The following WDFY4 variants were observed in gnomAD, a reference collection of about 807,000 sequenced individuals.
WDFY4 encodes WD repeat- and FYVE domain-containing protein 4.
Under a neutral mutation model 351.9 loss-of-function variants are expected in WDFY4, and 169 were observed. That is an observed-to-expected ratio of 0.48 (90% CI 0.42 to 0.55). The LOEUF is 0.55. WDFY4 is among the 20% of genes least tolerant of loss of function. The pLI is 0.00. For missense variants in WDFY4, 3,803 were observed against 3,935.6 expected, an observed-to-expected ratio of 0.97 and a Z score of 0.90; for synonymous variants, 1,622 against 1,574.6, an observed-to-expected ratio of 1.03 and a Z score of -0.71.
Position 48,830,704 on chromosome 10 carries a change from A to G in WDFY4, c.6345A>G (p.Gln2115=). 6.4e-7 allele frequency: 1 copy of G among 1,551,164 alleles called. No individual in the cohort carries two copies. The highest frequency in any genetic ancestry group is 2.4e-5 in the East Asian group (1 of 40,912). The change falls in exon 38 of 62, where the codon CAA becomes CAG. Residue 2115 remains glutamine, a synonymous_variant. Transcript: ENST00000325239. ...GCCATGTGCTCTCTCTGCTAGTCCAACACAACATCCAGAAGACAGTGCAGA... is the reference window on the plus strand; with the variant it reads ...GCCATGTGCTCTCTCTGCTAGTCCAGCACAACATCCAGAAGACAGTGCAGA... The part of the protein sequence containing the change: ...REDLPSLSDV[Q]HNIQKTVQTL...
At chr10:48,917,330 A>G (rs1359821135) in intron 47 of WDFY4, among the ~76,000 whole-genome samples, 1 of 152,226 alleles carries the variant, frequency 6.6e-6, no homozygotes, top group Non-Finnish European at 1.5e-5. Context: ...GTGCAGAAAA[A>G]CATTTGAAGG....
chr10:48,720,112 G>A lies in WDFY4; in HGVS notation c.336G>A (p.Val112=), dbSNP rs939126007. ...CCCAGCAACTCCAGAAGGCCCTTGT[G>A]GGGAAGCCTGCGGGTAAGAGCATGG... ...QLAQQLQKAL[V]GKPAEQARLA... The change falls in exon 3 of 62, where the codon GTG becomes GTA. Residue 112 remains valine, a synonymous_variant. Coordinates refer to ENST00000325239, the MANE Select transcript of WDFY4 (RefSeq NM_001394531.1). 1.3e-6 allele frequency: 2 copies of A among 1,551,836 alleles called. No homozygotes were observed. Among genetic ancestry groups the A allele is most frequent in the Non-Finnish European group, 1.7e-6 (2 of 1,147,020 alleles).
intron 40 of WDFY4, among the ~76,000 whole-genome samples, chr10:48,870,400 T>C (rs990748346): frequency 9.2e-5 from 14 of 151,960 alleles, no homozygotes; most frequent in African/African-American, 3.1e-4. Flanking sequence ...ACATTAGCCA[T>C]GTATAGTGGC....
At chr10:48,789,625 T>A (rs2066611908) in intron 21 of WDFY4, among the ~76,000 whole-genome samples, 1 of 152,240 alleles carries the variant, frequency 6.6e-6, no homozygotes. Flanking sequence ...CGTGGGACAC[T>A]GGTGGCTCAG....
At chr10:48,870,928 G>A (rs143843583) in intron 40 of WDFY4, among the ~76,000 whole-genome samples, 569 of 143,788 alleles carry the variant, frequency 4.0e-3, no homozygotes, top group Admixed American at 0.012. Context: ...GAGACTTGGG[G>A]TGGATATGCG....
In WDFY4 at chr10:48,901,785, T is replaced by C. The variant is rs1837365298; in HGVS notation, c.7524-16T>C. The C allele has an allele frequency of 6.4e-7, 1 of 1,551,280 alleles. No homozygotes were observed. ...TTGACTCTGCTGATGGAATTATCCC[T>C]TCCCTTTTCATGTAGCTTCTGCTCT... On this transcript the variant is annotated splice_polypyrimidine_tract_variant and intron_variant, in intron 46 of 61. Transcript: ENST00000325239.
At chr10:48,811,338 T>G (rs946169215) in intron 29 of WDFY4, among the ~76,000 whole-genome samples, 1 of 152,176 alleles carries the variant, frequency 6.6e-6, no homozygotes, top group African/African-American at 2.4e-5. Context: ...TGTTTTTGAG[T>G]GAATGAATGA....
chr10:48,824,833 G>A (rs1484510718), intron 35 of WDFY4, among the ~76,000 whole-genome samples: 2 of 152,076 alleles, frequency 1.3e-5, no homozygotes, highest in Admixed American at 1.3e-4. Flanking sequence ...TGGAAAGATA[G>A]GGTCTTACTA....
At chr10:48,919,774 A>G (rs949754403) in intron 47 of WDFY4, among the ~76,000 whole-genome samples, 3 of 152,222 alleles carry the variant, frequency 2.0e-5, no homozygotes, top group Non-Finnish European at 4.4e-5. Context: ...TGATACACTC[A>G]CACTGGAGAT....
At chr10:48,757,494 C>G (rs2065371617) in intron 12 of WDFY4, among the ~76,000 whole-genome samples, 1 of 151,972 alleles carries the variant, frequency 6.6e-6, no homozygotes, top group Non-Finnish European at 1.5e-5. Context: ...TTACTTTTAA[C>G]CTATCTATAT....
chr10:48,924,624 T>G (rs2889691), intron 47 of WDFY4, among the ~76,000 whole-genome samples: 96,512 of 152,184 alleles, frequency 0.63, 31,294 homozygotes, highest in East Asian at 1. Context: ...TTGTACAATT[T>G]TTTTTTATAC....
chr10:48,971,568 T>G (rs1842338516), intron 57 of WDFY4, among the ~76,000 whole-genome samples: 1 of 151,868 alleles, frequency 6.6e-6, no homozygotes, highest in Non-Finnish European at 1.5e-5. Context: ...GTTCTCTGGA[T>G]AATTTTCACT....
At chr10:48,730,621 G>A (rs368327271) in intron 8 of WDFY4, among the ~76,000 whole-genome samples, 149 of 152,254 alleles carry the variant, frequency 9.8e-4, no homozygotes, top group African/African-American at 3.2e-3. Context: ...ATTTTAATCC[G>A]CTGAAACCAA....
chr10:48,790,157 G>A (rs2066630888), intron 22 of WDFY4, among the ~76,000 whole-genome samples, 172 bp downstream of exon 22: 1 of 152,230 alleles, frequency 6.6e-6, no homozygotes, highest in Non-Finnish European at 1.5e-5. Context: ...CTCCCAGAAA[G>A]CATGAGGATC....
intron 40 of WDFY4, among the ~76,000 whole-genome samples, chr10:48,870,764 C>T (rs1365245603): frequency 6.6e-6 from 1 of 152,120 alleles, no homozygotes; most frequent in Non-Finnish European, 1.5e-5. Context: ...ATCTGACTTC[C>T]TCTGCCCTGG....
At chr10:48,857,377 T>A (rs1372118899) in intron 39 of WDFY4, among the ~76,000 whole-genome samples, 1 of 152,032 alleles carries the variant, frequency 6.6e-6, no homozygotes, top group Non-Finnish European at 1.5e-5. Context: ...TGGTGGGGAA[T>A]ACACATGATG....
At chr10:48,971,686 G>C (rs1018454475) in intron 57 of WDFY4, among the ~76,000 whole-genome samples, 1 of 152,210 alleles carries the variant, frequency 6.6e-6, no homozygotes, top group African/African-American at 2.4e-5. Context: ...GCAGGGCATG[G>C]AGGGTGCTGC....
intron 1 of WDFY4, among the ~76,000 whole-genome samples, chr10:48,696,087 A>C (rs535792853): frequency 2.0e-5 from 3 of 152,248 alleles, no homozygotes; most frequent in Admixed American, 1.3e-4. Context: ...AAACACCTGC[A>C]TTGCCTCAGT....
intron 39 of WDFY4, among the ~76,000 whole-genome samples, chr10:48,853,427 G>A (rs1270056110): frequency 6.6e-6 from 1 of 152,184 alleles, no homozygotes; most frequent in East Asian, 1.9e-4. Context: ...AAATTTGGCA[G>A]TAATTCTTGC....
Sources: allele counts gnomAD v4.1 joint callset (sites outside exome capture counted in the v4.1 genomes callset), GRCh38; gene constraint gnomAD v4.1.1; transcripts MANE v1.5; gene names NCBI Gene and HGNC (gene_info 2026-07-23, HGNC 2026-07-21).